NOS1AP: variants seen among roughly 807,000 people sequenced by gnomAD.
The protein encoded by NOS1AP is nitric oxide synthase 1 adaptor protein.
A neutral mutation model predicts 56.2 loss-of-function variants in NOS1AP; 21 were observed. The ratio of observed to expected loss-of-function variants is 0.37; its 90% confidence interval spans 0.26 to 0.54. The LOEUF (loss-of-function observed/expected upper bound fraction) is 0.54, where lower values mean the gene tolerates loss of function less well. NOS1AP is among the 20% of genes least tolerant of loss of function. The pLI is 0.84. For missense variants in NOS1AP, 522 were observed against 657.8 expected (o/e 0.79, Z 2.26); for synonymous variants, 270 against 274.6 (o/e 0.98, Z 0.17).
chr1:162,190,215 T>G (rs1557826159), intron 2 of NOS1AP, among the ~76,000 whole-genome samples: 1 of 152,214 alleles, frequency 6.6e-6, no homozygotes, highest in Non-Finnish European at 1.5e-5. Context: ...GTGTTTCATC[T>G]CTGCTCCCCA....
In NOS1AP at chr1:162,137,470, G is replaced by A. The variant is rs143096864; in HGVS notation, c.106-16935G>A. ...ACCATGGTTTCTAGGATTGCTGTCT[G>A]GGATCAGCACAGTGTTGTTGCTAAC... is the stretch of plus-strand genomic sequence containing the variant. On this transcript the variant is annotated intron_variant, in intron 1 of 9. Transcript: ENST00000361897. 1.8e-3 allele frequency among the ~76,000 whole-genome samples: 280 copies of A among 152,280 alleles called. 2 individuals are homozygous for A. Among genetic ancestry groups the A allele is most frequent in the Non-Finnish European group, 1.1e-3 (77 of 68,022 alleles).
intron 2 of NOS1AP, among the ~76,000 whole-genome samples, chr1:162,245,489 CA>C (rs1653632633): frequency 6.6e-6 from 1 of 152,316 alleles, no homozygotes; most frequent in African/African-American, 2.4e-5. Flanking sequence ...AAATGTTAAA[CA>C]TACACCTACC....
At chr1:162,121,568 C>T (rs1648237130) in intron 1 of NOS1AP, among the ~76,000 whole-genome samples, 1 of 152,238 alleles carries the variant, frequency 6.6e-6, no homozygotes, top group East Asian at 1.9e-4. Flanking sequence ...TTGCCCTTTA[C>T]AGCTGTGTGA....
At chr1:162,111,838 C>T (rs1647721742) in intron 1 of NOS1AP, among the ~76,000 whole-genome samples, 1 of 152,160 alleles carries the variant, frequency 6.6e-6, no homozygotes, top group South Asian at 2.1e-4. Context: ...ATGAGTCAAG[C>T]CGGGTTAGTG....
At chr1:162,102,764 G>A (rs1025401563) in intron 1 of NOS1AP, among the ~76,000 whole-genome samples, 2 of 152,132 alleles carry the variant, frequency 1.3e-5, no homozygotes, top group African/African-American at 4.8e-5. Context: ...TTGTATTTCT[G>A]TAGGGTCAGG....
chr1:162,368,677 T>TA lies in NOS1AP; in HGVS notation c.*1212dup, dbSNP rs937727580. The TA allele has an allele frequency of 6.6e-5, 10 of 152,248 alleles. No homozygotes were observed. The highest frequency in any genetic ancestry group is 2.4e-4 in the African/African-American group (10 of 41,454). 9.4% of individuals were successfully genotyped at this position (152,248 alleles called of 1,614,324 possible). ...GCTTTGCCTAGGGATCACTACTCCT[T>TA]AACGGGCTGGCTGGGGCAATGAGGA... On this transcript the variant is annotated 3_prime_UTR_variant, in exon 10 of 10. Coordinates refer to ENST00000361897, the MANE Select transcript of NOS1AP (RefSeq NM_014697.3).
intron 2 of NOS1AP, among the ~76,000 whole-genome samples, chr1:162,181,455 A>G (rs562138955): frequency 6.6e-6 from 1 of 152,236 alleles, no homozygotes; most frequent in Non-Finnish European, 1.5e-5. Flanking sequence ...TATGATCTAA[A>G]TATTTCACAT....
At chr1:162,223,235 G>A (rs1437675047) in intron 2 of NOS1AP, among the ~76,000 whole-genome samples, 1 of 152,114 alleles carries the variant, frequency 6.6e-6, no homozygotes, top group Non-Finnish European at 1.5e-5. Context: ...TAACTTAGAG[G>A]TGCAGTTTAT....
chr1:162,098,102 C>CTTTTTTT (rs35307081), intron 1 of NOS1AP, among the ~76,000 whole-genome samples: 79 of 80,586 alleles, frequency 9.8e-4, no homozygotes, highest in African/African-American at 1.1e-3. Flanking sequence ...CTCTCTTTTG[C>CTTTTTTT]TTTTTTTTTT....
intron 2 of NOS1AP, among the ~76,000 whole-genome samples, chr1:162,217,823 A>G (rs1384792877): frequency 6.6e-6 from 1 of 152,188 alleles, no homozygotes; most frequent in Non-Finnish European, 1.5e-5. Context: ...TGCCTGGTTT[A>G]TGACCGAGAC....
chr1:162,221,530 GCGCGCACACA>G (rs1414527180), intron 2 of NOS1AP, among the ~76,000 whole-genome samples: 41 of 62,550 alleles, frequency 6.6e-4, no homozygotes, highest in African/African-American at 1.4e-3. Context: ...GCACACACAC[GCGCGCACACA>G]CACACACACA....
intron 2 of NOS1AP, among the ~76,000 whole-genome samples, chr1:162,181,380 T>C (rs934460608): frequency 6.6e-6 from 1 of 152,202 alleles, no homozygotes; most frequent in Non-Finnish European, 1.5e-5. Context: ...TGTAGTGATG[T>C]TGGAAAAAAA....
intron 8 of NOS1AP, chr1:162,361,014 G>C: frequency 2.3e-6 from 1 of 430,946 alleles, no homozygotes; most frequent in South Asian, 1.7e-5. Flanking sequence ...GCAGTGTAGA[G>C]CTGGAGGGTG....
At chr1:162,103,514 C>CT (rs771477003) in intron 1 of NOS1AP, among the ~76,000 whole-genome samples, 3 of 152,034 alleles carry the variant, frequency 2.0e-5, no homozygotes, top group Non-Finnish European at 4.4e-5. Flanking sequence ...AATGGTCTGT[C>CT]TAATATTGAC....
In NOS1AP at chr1:162,241,648, A is replaced by G. The variant is rs540995766; in HGVS notation, c.178-45696A>G. 1.2e-4 allele frequency among the ~76,000 whole-genome samples: 18 copies of G among 152,278 alleles called. 1 individual carries two copies. The South Asian group carries it at 3.5e-3, about 30-fold the overall frequency. ...TGGGCTACACTGCACAATGTGGGAG[A>G]GAGAATCTGCACTCCCCCTGACTGC... On this transcript the variant is annotated intron_variant, in intron 2 of 9. Coordinates refer to ENST00000361897, the MANE Select transcript of NOS1AP (RefSeq NM_014697.3).
chr1:162,267,672 A>G (rs1387894398), intron 2 of NOS1AP, among the ~76,000 whole-genome samples: 1 of 151,998 alleles, frequency 6.6e-6, no homozygotes, highest in Non-Finnish European at 1.5e-5. Flanking sequence ...CTGAGGCAGG[A>G]GGATCACTTG....
chr1:162,296,609 C>T (rs1443424093), intron 3 of NOS1AP, among the ~76,000 whole-genome samples: 1 of 152,172 alleles, frequency 6.6e-6, no homozygotes, highest in Admixed American at 6.5e-5. Flanking sequence ...AATGCTCATT[C>T]TTATTAAATT....
chr1:162,141,361 A>G (rs1649229101), intron 1 of NOS1AP, among the ~76,000 whole-genome samples: 1 of 152,240 alleles, frequency 6.6e-6, no homozygotes, highest in Admixed American at 6.5e-5. Flanking sequence ...TTTTTAGAGC[A>G]TTGGCTTTGA....
chr1:162,344,118 C>A (rs1351311776), intron 6 of NOS1AP, 142 bp downstream of exon 6: 1 of 906,910 alleles, frequency 1.1e-6, no homozygotes, highest in Non-Finnish European at 1.8e-6. Context: ...ATTCTAGATT[C>A]TCTTTAAGGA....
Sources: allele counts gnomAD v4.1 joint callset (sites outside exome capture counted in the v4.1 genomes callset), GRCh38; gene constraint gnomAD v4.1.1; transcripts MANE v1.5; gene names NCBI Gene and HGNC (gene_info 2026-07-23, HGNC 2026-07-21).